TBC1D5: variants seen among roughly 807,000 people sequenced by gnomAD.
The protein encoded by TBC1D5 is TBC1 domain family member 5, also known as TBC1 domain family, member 5.
A neutral mutation model predicts 100.3 loss-of-function variants in TBC1D5; 75 were observed. The ratio of observed to expected loss-of-function variants is 0.75; its 90% confidence interval spans 0.62 to 0.91. The LOEUF is 0.91. Among genes scored for constraint, TBC1D5 ranks in the 40% least tolerant of loss-of-function variants. The pLI, the probability that TBC1D5 is intolerant of heterozygous loss-of-function variation, is 0.00. For missense variants in TBC1D5, 910 were observed against 942.4 expected (o/e 0.97, Z 0.45); for synonymous variants, 323 against 325.6 (o/e 0.99, Z 0.09).
intron 1 of TBC1D5, among the ~76,000 whole-genome samples, chr3:17,638,268 T>C (rs1250270998): frequency 6.6e-6 from 1 of 152,138 alleles, no homozygotes; most frequent in East Asian, 1.9e-4. Context: ...TTAGAACATT[T>C]TTATTACTCA....
chr3:17,627,261 C>T (rs1043995076), intron 1 of TBC1D5, among the ~76,000 whole-genome samples: 4 of 152,086 alleles, frequency 2.6e-5, no homozygotes, highest in African/African-American at 9.7e-5. Context: ...CTGACTGGAG[C>T]GGACAGACAG....
chr3:17,369,214 T>C (rs936695881), intron 13 of TBC1D5, among the ~76,000 whole-genome samples: 1 of 151,834 alleles, frequency 6.6e-6, no homozygotes, highest in Non-Finnish European at 1.5e-5. Context: ...GAGAAGCACA[T>C]AGGCTCTAGT....
At chr3:17,679,798 C>G (rs1490481179) in intron 1 of TBC1D5, among the ~76,000 whole-genome samples, 6 of 151,482 alleles carry the variant, frequency 4.0e-5, no homozygotes, top group Non-Finnish European at 5.9e-5. Context: ...ACTGATTTAT[C>G]TTTGAATAGA....
intron 18 of TBC1D5, among the ~76,000 whole-genome samples, chr3:17,189,958 T>G (rs1323869952): frequency 2.0e-5 from 3 of 152,232 alleles, no homozygotes; most frequent in Admixed American, 1.3e-4. Context: ...GAAGAAATTG[T>G]TTTTTGAATT....
chr3:17,713,613 G>C (rs1349279527), intron 1 of TBC1D5, among the ~76,000 whole-genome samples: 1 of 151,984 alleles, frequency 6.6e-6, no homozygotes, highest in Non-Finnish European at 1.5e-5. Context: ...CCACAGAATG[G>C]GGGAAAAATG....
intron 1 of TBC1D5, chr3:17,705,995 T>TG (rs1323740353): frequency 1.4e-6 from 2 of 1,466,844 alleles, no homozygotes; most frequent in Non-Finnish European, 1.8e-6. Flanking sequence ...TTTTTTTTTT[T>TG]GAGACGGAGT....
At chr3:17,259,321 T>C (rs1339966930) in intron 15 of TBC1D5, among the ~76,000 whole-genome samples, 1 of 152,218 alleles carries the variant, frequency 6.6e-6, no homozygotes, top group Non-Finnish European at 1.5e-5. Context: ...TGTCTGTTTA[T>C]ATGTGTTGCT....
intron 2 of TBC1D5, among the ~76,000 whole-genome samples, chr3:17,564,074 G>A (rs1457833018): frequency 2.0e-5 from 3 of 152,170 alleles, no homozygotes; most frequent in Non-Finnish European, 4.4e-5. Flanking sequence ...GAGCCACCGT[G>A]CCCGGCCTTA....
At chr3:17,694,982 T>C (rs1408435676) in intron 1 of TBC1D5, among the ~76,000 whole-genome samples, 1 of 152,190 alleles carries the variant, frequency 6.6e-6, no homozygotes. Flanking sequence ...CAGAATTTCA[T>C]ATCCAGCCAA....
intron 4 of TBC1D5, among the ~76,000 whole-genome samples, chr3:17,412,875 A>C (rs2093970991): frequency 6.6e-6 from 1 of 152,180 alleles, no homozygotes; most frequent in South Asian, 2.1e-4. Context: ...CCAGACACCA[A>C]GAGCAAAAAT....
intron 2 of TBC1D5, among the ~76,000 whole-genome samples, chr3:17,559,325 G>C (rs886581612): frequency 6.6e-6 from 1 of 151,774 alleles, no homozygotes; most frequent in Admixed American, 6.6e-5. Flanking sequence ...ATTTTTGGTA[G>C]AGATCGGGTT....
intron 13 of TBC1D5, among the ~76,000 whole-genome samples, chr3:17,312,526 T>A (rs2084151639): frequency 6.6e-6 from 1 of 152,166 alleles, no homozygotes; most frequent in Non-Finnish European, 1.5e-5. Flanking sequence ...TTCTTTGTAA[T>A]CCATGGATTG....
intron 1 of TBC1D5, among the ~76,000 whole-genome samples, chr3:17,681,555 T>A (rs1007271482): frequency 6.6e-6 from 1 of 151,644 alleles, no homozygotes; most frequent in Admixed American, 6.6e-5. Flanking sequence ...GGAAAAATAG[T>A]TGTTTTCGGA....
intron 13 of TBC1D5, among the ~76,000 whole-genome samples, chr3:17,354,695 G>A (rs1311149974): frequency 6.6e-6 from 1 of 151,230 alleles, no homozygotes; most frequent in African/African-American, 2.4e-5. Flanking sequence ...TTTACAACTA[G>A]AGGAAATATG....
chr3:17,192,502 C>T lies in TBC1D5; in HGVS notation c.1753-7294G>A, dbSNP rs1393815405. Among the ~76,000 whole-genome samples, 6 of 152,088 alleles carry T rather than the reference C, an allele frequency of 3.9e-5. No homozygotes were observed. In the South Asian group the frequency reaches 8.3e-4, roughly 21 times the overall value. On this transcript the variant is annotated intron_variant, in intron 18 of 21. Coordinates refer to ENST00000253692, the Ensembl canonical transcript of TBC1D5. ...GTGGATGCTGCTCTTTATGGGTTGC[C>T]TAGAAATAACGTGATTCTTAAAGAT...
intron 13 of TBC1D5, among the ~76,000 whole-genome samples, chr3:17,321,491 CTTTA>C (rs2085400550): frequency 2.6e-5 from 4 of 151,992 alleles, no homozygotes; most frequent in South Asian, 4.1e-4. Context: ...TAACTGCTTC[CTTTA>C]TTTATTTTGC....
At chr3:17,445,165 T>G (rs1312349378) in intron 3 of TBC1D5, among the ~76,000 whole-genome samples, 2 of 152,190 alleles carry the variant, frequency 1.3e-5, no homozygotes, top group African/African-American at 4.8e-5. Flanking sequence ...TATGTTCAAG[T>G]GCTAAGGGCA....
intron 16 of TBC1D5, among the ~76,000 whole-genome samples, chr3:17,250,605 G>A (rs1451357674): frequency 6.6e-6 from 1 of 152,206 alleles, no homozygotes; most frequent in Non-Finnish European, 1.5e-5. Flanking sequence ...CACTTCAGAA[G>A]CTTTGTACTT....
chr3:17,162,864 T>C (rs1286248910), intron 21 of TBC1D5, among the ~76,000 whole-genome samples: 2 of 152,200 alleles, frequency 1.3e-5, no homozygotes, highest in African/African-American at 4.8e-5. Context: ...TCTTCCAGAA[T>C]TGTAGACACT....
Sources: allele counts gnomAD v4.1 joint callset (sites outside exome capture counted in the v4.1 genomes callset), GRCh38; gene constraint gnomAD v4.1.1; transcripts MANE v1.5; gene names NCBI Gene and HGNC (gene_info 2026-07-23, HGNC 2026-07-21).